Variants in ZNF232 observed in about 807,000 individuals in gnomAD.
ZNF232 encodes the protein zinc finger and SCAN domain-containing protein 11.
In ZNF232, 25 loss-of-function variants were observed where a neutral mutation model predicts 25.2. The ratio of observed to expected loss-of-function variants is 0.99; its 90% confidence interval spans 0.72 to 1.39. The LOEUF (loss-of-function observed/expected upper bound fraction) is 1.39. Ranked by LOEUF, ZNF232 falls within the 40% of genes most tolerant of loss-of-function variation. The probability of loss-of-function intolerance (pLI) is 0.00; values close to 1 mark genes in which losing one functional copy is unlikely to be tolerated. For missense variants in ZNF232, 519 were observed against 520.9 expected (o/e 1.00, Z 0.04); for synonymous variants, 193 against 182.9 (o/e 1.06, Z -0.45).
upstream of ZNF232, chr17:5,111,991 G>C (rs1417242843): frequency 2.0e-6 from 2 of 993,068 alleles, no homozygotes; most frequent in Admixed American, 2.9e-5. Context: ...CTGGGAGCCC[G>C]GGAACCGGTT....
At chr17:5,119,361 A>G (rs557268239) in intron 1 of ZNF232, among the ~76,000 whole-genome samples, 140 of 152,362 alleles carry the variant, frequency 9.2e-4, no homozygotes, top group Non-Finnish European at 5.6e-4. Flanking sequence ...AGCTTCTGCT[A>G]CCTATAAAAG....
upstream of ZNF232, among the ~76,000 whole-genome samples, chr17:5,115,308 T>C (rs1383116863): frequency 6.6e-6 from 1 of 151,982 alleles, no homozygotes. Context: ...TTCCAGCACT[T>C]TGCGAGGCCG....
chr17:5,120,320 C>G (rs1300588616), intron 1 of ZNF232, among the ~76,000 whole-genome samples: 1 of 152,046 alleles, frequency 6.6e-6, no homozygotes, highest in Non-Finnish European at 1.5e-5. Flanking sequence ...AGTGAGGTCG[C>G]CTGTGGTCAT....
At chr17:5,111,646 G>T in intron 1 of ZNF232, 154 bp downstream of exon 1, 2 of 1,121,908 alleles carry the variant, frequency 1.8e-6, no homozygotes, top group Non-Finnish European at 1.3e-6. Flanking sequence ...CGCAGGTAGC[G>T]CAGCGCGGGC....
Position 5,108,574 on chromosome 17 carries a change from T to C in ZNF232, c.625+352A>G, listed in dbSNP as rs116509634. On this transcript the variant is annotated intron_variant, in intron 3 of 3. Transcript: ENST00000575898. ...CCTCTAGCTCAGGGCAGAGTTATTA[T>C]AGACTAGGAGTTAAGTGCAGTGGAG... 7.8e-3 allele frequency among the ~76,000 whole-genome samples: 1,178 copies of C among 151,736 alleles called. 23 individuals carry two copies. Among genetic ancestry groups the C allele is most frequent in the African/African-American group, 0.026 (1,095 of 41,344 alleles).
At chr17:5,109,787 AGCT>A (rs760668855) in exon 2 of ZNF232, 8 of 1,614,108 alleles carry the variant, frequency 5.0e-6, no homozygotes, top group Admixed American at 1.7e-5. Context: ...CCAGAGTTTC[AGCT>A]GCTGTTAGTG....
At chr17:5,117,594 A>C (rs1052143154) in intron 1 of ZNF232, among the ~76,000 whole-genome samples, 1 of 152,104 alleles carries the variant, frequency 6.6e-6, no homozygotes, top group Non-Finnish European at 1.5e-5. Flanking sequence ...TATATGTCAC[A>C]ATAAGGACTT....
intron 1 of ZNF232, among the ~76,000 whole-genome samples, chr17:5,118,809 C>T (rs1439368772): frequency 6.6e-6 from 1 of 152,182 alleles, no homozygotes; most frequent in Non-Finnish European, 1.5e-5. Flanking sequence ...AAAGTCTGGC[C>T]ATTTCTTCCC....
At chr17:5,116,008 C>A (rs2072526802), upstream of ZNF232, among the ~76,000 whole-genome samples, 1 of 152,238 alleles carries the variant, frequency 6.6e-6, no homozygotes, top group African/African-American at 2.4e-5. Context: ...CAAAGGGGCG[C>A]AAGGCACGGA....
upstream of ZNF232, among the ~76,000 whole-genome samples, chr17:5,112,858 A>AGGAGGCAGGAGAATCGTTTGAACCCG (rs2072451556): frequency 1.3e-5 from 2 of 151,830 alleles, no homozygotes; most frequent in African/African-American, 4.8e-5. Flanking sequence ...CCCACTACTC[A>AGGAGGCAGGAGAATCGTTTGAACCCG]GGAGGCAGGA....
chr17:5,119,719 A>G (rs150099897), intron 1 of ZNF232, among the ~76,000 whole-genome samples: 102 of 152,302 alleles, frequency 6.7e-4, no homozygotes, highest in Non-Finnish European at 2.1e-4. Flanking sequence ...AATTATTATA[A>G]TTAATTATAA....
At chr17:5,115,262 GA>G (rs1443785996), upstream of ZNF232, among the ~76,000 whole-genome samples, 2 of 152,010 alleles carry the variant, frequency 1.3e-5, no homozygotes, top group East Asian at 3.9e-4. Context: ...TCGAAACAAG[GA>G]ACAGAGGGCC....
At chr17:5,105,880 A>G in exon 4 of ZNF232, 1 of 1,613,876 alleles carries the variant, frequency 6.2e-7, no homozygotes, top group Non-Finnish European at 8.5e-7. Flanking sequence ...AGCTCTGAGC[A>G]CCATCCATAA....
chr17:5,110,917 G>A (rs73976310), intron 1 of ZNF232, among the ~76,000 whole-genome samples: 20,696 of 152,150 alleles, frequency 0.14, 1,617 homozygotes, highest in African/African-American at 0.21. Flanking sequence ...AAGGAGGAGA[G>A]AAGAGGGAGG....
chr17:5,108,622 G>T (rs1428643164), intron 3 of ZNF232, among the ~76,000 whole-genome samples: 2 of 152,074 alleles, frequency 1.3e-5, no homozygotes, highest in African/African-American at 4.8e-5. Context: ...AAATGAATGA[G>T]CTATTTCCTG....
At chr17:5,112,177 G>A (rs1292859909), upstream of ZNF232, 3 of 367,302 alleles carry the variant, frequency 8.2e-6, no homozygotes, top group Admixed American at 4.4e-5. Flanking sequence ...CCTGAAGGGC[G>A]GTGCTGGCGG....
chr17:5,107,911 A>G (rs1001581723), intron 3 of ZNF232, among the ~76,000 whole-genome samples: 1 of 147,094 alleles, frequency 6.8e-6, no homozygotes, highest in Non-Finnish European at 1.5e-5. Context: ...TATGCTTGCT[A>G]TATATAAAAA....
chr17:5,119,698 C>T (rs2072608513), intron 1 of ZNF232, among the ~76,000 whole-genome samples: 1 of 152,180 alleles, frequency 6.6e-6, no homozygotes, highest in South Asian at 2.1e-4. Context: ...AGTGTAAGAA[C>T]ACACAATGCT....
chr17:5,116,451 G>C (rs2072541919), upstream of ZNF232: 1 of 152,352 alleles, frequency 6.6e-6, no homozygotes, highest in Non-Finnish European at 1.5e-5. Context: ...GCCGTCTCGT[G>C]TGGTGTCTGA....
Sources: allele counts gnomAD v4.1 joint callset (sites outside exome capture counted in the v4.1 genomes callset), GRCh38; gene constraint gnomAD v4.1.1; transcripts MANE v1.5; gene names NCBI Gene and HGNC (gene_info 2026-07-23, HGNC 2026-07-21).